Variants in CAND2 observed in about 807,000 individuals in gnomAD.
CAND2 encodes cullin associated and neddylation dissociated 2 (putative).
CAND2 carries 62 observed loss-of-function variants against 98.9 expected under a neutral mutation model. The ratio of observed to expected loss-of-function variants is 0.63; its 90% CI spans 0.51 to 0.77. The LOEUF is 0.77. Among genes scored for constraint, CAND2 ranks in the 30% least tolerant of loss-of-function variants. The pLI, the probability that CAND2 is intolerant of heterozygous loss-of-function variation, is 0.00. For missense variants in CAND2, 1,501 were observed against 1,655.2 expected, an observed-to-expected ratio of 0.91 and a Z score of 1.62; for synonymous variants, 770 against 731.9, an observed-to-expected ratio of 1.05 and a Z score of -0.84.
chr3:12,798,875 G>C (rs548652171), intron 1 of CAND2, among the ~76,000 whole-genome samples: 2 of 142,624 alleles, frequency 1.4e-5, no homozygotes, highest in African/African-American at 5.4e-5. Context: ...TGCCTCTAGG[G>C]TTTCTCTGTA....
rs759005743 is a variant in CAND2 at position 12,831,471 on chromosome 3, A to G, written c.3382A>G (p.Thr1128Ala). The change falls in exon 14 of 15, where the codon ACC (threonine) becomes GCC (alanine). Residue 1128 changes from threonine (T) to alanine (A), a missense_variant. This residue lies in a region of CAND2 where 1,427 missense variants were observed against 1,545.3 expected (regional missense o/e 0.92). Coordinates refer to ENST00000456430, the MANE Select transcript of CAND2 (RefSeq NM_001162499.2). The part of the protein sequence containing the change: ...LKDHYDIRML[T>A]FIMVARLATL... ...ATCTCCTTCCTCTGGGCAGATGCTG[A>G]CCTTCATCATGGTTGCCCGGCTGGC... is the stretch of plus-strand genomic sequence containing the variant. The G allele has an allele frequency of 3.1e-6, 5 of 1,613,478 alleles. No homozygotes were observed. Among genetic ancestry groups the G allele is most frequent in the Non-Finnish European group, 2.5e-6 (3 of 1,179,738 alleles).
intron 14 of CAND2, among the ~76,000 whole-genome samples, chr3:12,833,337 A>G (rs540352879): frequency 9.8e-5 from 15 of 152,314 alleles, no homozygotes; most frequent in Admixed American, 7.8e-4. Context: ...AGGCTGCTAG[A>G]AGACCATCGC....
rs776710629 is a variant in CAND2 at position 12,808,349 on chromosome 3, C to T, written c.491+16C>T. On this transcript the variant is annotated intron_variant, in intron 4 of 14. Coordinates refer to ENST00000456430, the MANE Select transcript of CAND2 (RefSeq NM_001162499.2). ...TGCTGAGCAGGTGTGGGAGGCCATC[C>T]TGGGTATTGAGGAAGAGTGGGTAAA... The T allele has an allele frequency of 1.5e-5, 24 of 1,550,966 alleles. No homozygotes were observed. The Middle Eastern group carries it at 5.0e-4, about 32-fold the overall frequency.
intron 11 of CAND2, 89 bp downstream of exon 11, chr3:12,820,270 G>A (rs1476632038): frequency 1.0e-6 from 1 of 979,982 alleles, no homozygotes; most frequent in Non-Finnish European, 1.5e-6. Context: ...CAATAGCCAA[G>A]GGCAATGGGA....
At position 12,817,858 on chromosome 3, in the gene CAND2, C is replaced by T. The variant is rs770646822; in HGVS notation, c.2926C>T (p.Arg976Trp). 8.0e-6 allele frequency: 12 copies of T among 1,504,668 alleles called. No homozygotes were observed. The highest frequency in any genetic ancestry group is 2.7e-5 in the South Asian group (2 of 73,646). 93.2% of individuals were successfully genotyped at this position (1,504,668 alleles called of 1,614,324 possible). Reference sequence around the variant, plus strand: ...CCCTTCGTTCCTTCTGCCCCGCTTGCGGAAGCAGCTTGCTGCAGGTAGGCA... The same window carrying T: ...CCCTTCGTTCCTTCTGCCCCGCTTGTGGAAGCAGCTTGCTGCAGGTAGGCA... ...VNPSFLLPRL[R>W]KQLAAGRPHT... Residue 976 changes from arginine to tryptophan, a missense_variant, in exon 10 of 15, where the codon CGG (arginine) becomes TGG (tryptophan). Physicochemically the swap from Arg to Trp is moderately radical, Grantham distance 101. Transcript: ENST00000456430.
chr3:12,833,432 T>C (rs1181890476), intron 14 of CAND2, among the ~76,000 whole-genome samples: 1 of 152,114 alleles, frequency 6.6e-6, no homozygotes, highest in Non-Finnish European at 1.5e-5. Flanking sequence ...CTGCAGTCTG[T>C]AGGAGGTAAG....
chr3:12,811,709 C>G (rs931957493), intron 5 of CAND2, among the ~76,000 whole-genome samples: 1 of 152,048 alleles, frequency 6.6e-6, no homozygotes, highest in Non-Finnish European at 1.5e-5. Context: ...GTAGCTGGCA[C>G]TACAGGCGCA....
chr3:12,820,219 GC>G, intron 11 of CAND2, 38 bp downstream of exon 11: 1 of 1,472,734 alleles, frequency 6.8e-7, no homozygotes, highest in Non-Finnish European at 9.5e-7. Flanking sequence ...CTTGTTCAGT[GC>G]CCCCACCCAG....
Position 12,820,136 on chromosome 3 carries a change from T to C in CAND2, c.2995T>C (p.Ser999Pro), listed in dbSNP as rs2061945342. ...CATCACAGCGGTCAAGTTCCTTATC[T>C]CGGACCAGCCCCATCCCATTGACCC... The part of the protein sequence containing the change: ...TVITAVKFLI[S>P]DQPHPIDPLL... Residue 999 changes from serine to proline, a missense_variant, in exon 11 of 15, where the codon TCG becomes CCG. Transcript: ENST00000456430. 2 of 1,614,150 alleles carry C rather than the reference T, an allele frequency of 1.2e-6. No homozygotes were observed. Among genetic ancestry groups the C allele is most frequent in the African/African-American group, 1.3e-5 (1 of 75,026 alleles).
At chr3:12,803,766 C>A (rs964766272) in intron 2 of CAND2, 135 bp downstream of exon 2, 2 of 694,158 alleles carry the variant, frequency 2.9e-6, no homozygotes, top group Admixed American at 3.6e-5. Context: ...GTACCTTAGT[C>A]TGAGTTTTCC....
intron 14 of CAND2, among the ~76,000 whole-genome samples, chr3:12,831,948 T>G (rs1235361004): frequency 6.6e-6 from 1 of 152,210 alleles, no homozygotes; most frequent in Non-Finnish European, 1.5e-5. Context: ...GTTGGGAAGC[T>G]GGGTCAGATG....
At chr3:12,797,886 T>C (rs1575760583) in intron 1 of CAND2, among the ~76,000 whole-genome samples, 1 of 152,130 alleles carries the variant, frequency 6.6e-6, no homozygotes, top group Middle Eastern at 3.4e-3. Context: ...ACAGACCTGC[T>C]CTGGTGGTCT....
chr3:12,813,330 C>T lies in CAND2; in HGVS notation c.948C>T (p.Tyr316=), dbSNP rs377242398. 60 of 1,614,002 alleles carry T rather than the reference C, an allele frequency of 3.7e-5. No homozygotes were observed. The highest frequency in any genetic ancestry group is 4.5e-5 in the East Asian group (2 of 44,898). Residue 316 remains tyrosine (Y), a synonymous_variant, in exon 7 of 15, where the codon TAC becomes TAT. Transcript: ENST00000456430. ...QYIKHDPNYN[Y]DSDEDEEQME... ...TAAAACACGACCCCAACTACAACTA[C>T]GACAGTGATGAGGATGAGGAGCAGA...
chr3:12,808,128 C>G lies in CAND2; in HGVS notation c.368-82C>G, dbSNP rs536360800. On this transcript the variant is annotated intron_variant, in intron 3 of 14. Transcript: ENST00000456430. Reference sequence around the variant, plus strand: ...CGGGGATGTGGGCTCAGGAACACAGCCAGAGCAGAGGCAGACTAGTGGTGG... The same window carrying G: ...CGGGGATGTGGGCTCAGGAACACAGGCAGAGCAGAGGCAGACTAGTGGTGG... 3 of 1,507,978 alleles carry G rather than the reference C, an allele frequency of 2.0e-6. No individual in the cohort carries two copies. The African/African-American group carries it at 4.1e-5, about 21-fold the overall frequency. The allele number at this position is 1,507,978 out of a possible 1,614,324, so 93.4% of individuals were successfully genotyped here.
intron 1 of CAND2, 120 bp downstream of exon 1, chr3:12,796,908 T>A: frequency 1.2e-6 from 1 of 810,724 alleles, no homozygotes; most frequent in South Asian, 1.5e-5. Context: ...TTCTCTCTTC[T>A]CCCTGCATTA....
intron 1 of CAND2, among the ~76,000 whole-genome samples, chr3:12,800,522 G>T (rs904814019): frequency 6.6e-6 from 1 of 152,152 alleles, no homozygotes; most frequent in African/African-American, 2.4e-5. Context: ...TCGCTGCTCT[G>T]TCCTGTTTTC....
intron 2 of CAND2, among the ~76,000 whole-genome samples, chr3:12,803,974 T>C (rs1351625751): frequency 6.6e-6 from 1 of 152,090 alleles, no homozygotes; most frequent in Admixed American, 6.5e-5. Context: ...ACATGTCCCT[T>C]GGACTTTTCC....
At chr3:12,822,314 T>TGA (rs57174965) in intron 11 of CAND2, among the ~76,000 whole-genome samples, 1 of 150,826 alleles carries the variant, frequency 6.6e-6, no homozygotes, top group Non-Finnish European at 1.5e-5. Context: ...TTTTTTTTTT[T>TGA]GAGAGAGTCT....
rs572752715 is a variant in CAND2, at chr3:12,819,992, G to C, written c.2945-94G>C. 19 of 957,932 alleles carry C rather than the reference G, an allele frequency of 2.0e-5. No individual in the cohort carries two copies. In the East Asian group the frequency reaches 4.6e-4, roughly 23 times the overall value. The allele number at this position is 957,932 out of a possible 1,614,324, so 59.3% of individuals were successfully genotyped here. ...GGAGGGGGTACAGTTCTGTTTTCCA[G>C]GGAAGCAGGGGGAGGAGCCTAAGCA... On this transcript the variant is annotated intron_variant, in intron 10 of 14. Coordinates refer to ENST00000456430, the MANE Select transcript of CAND2 (RefSeq NM_001162499.2).
Sources: gnomAD v4.1 joint callset for allele counts (sites outside exome capture counted in the v4.1 genomes callset) on GRCh38, gnomAD v4.1.1 for gene constraint, gnomAD v4.1.1 regional missense constraint, MANE v1.5 for transcripts, NCBI Gene and HGNC (gene_info 2026-07-23, HGNC 2026-07-21) for gene names.